The following NTM variants were observed in gnomAD, a reference collection of about 807,000 sequenced individuals.
NTM encodes the protein IgLON family member 2.
A neutral mutation model predicts 42.1 loss-of-function variants in NTM; 13 were observed. The observed-to-expected ratio is 0.31, with a 90% CI of 0.20 to 0.49. NTM has a LOEUF of 0.49. NTM is among the 20% of genes least tolerant of loss of function. The probability of loss-of-function intolerance (pLI) is 0.99; values close to 1 mark genes in which losing one functional copy is unlikely to be tolerated. For synonymous variants in NTM, 187 were observed against 179.2 expected (o/e 1.04, Z -0.35); for missense variants, 373 against 452.8 (o/e 0.82, Z 1.60).
chr11:131,789,829 G>A (rs769895536), intron 1 of NTM, among the ~76,000 whole-genome samples: 11 of 150,906 alleles, frequency 7.3e-5, no homozygotes, highest in Non-Finnish European at 1.3e-4. Flanking sequence ...GGTGGCGGGA[G>A]CCTGTAGTCC....
At chr11:131,910,788 C>T in intron 1 of NTM, 7 of 971,356 alleles carry the variant, frequency 7.2e-6, no homozygotes, top group Non-Finnish European at 8.6e-6. Flanking sequence ...CCGCCGCAGC[C>T]CCTGCCCCGC....
At position 131,873,684 on chromosome 11, in the gene NTM, TATATATACACAC is replaced by T. The variant is rs1238642551; in HGVS notation, c.83-37872_83-37861del. Among the ~76,000 whole-genome samples the T allele has an allele frequency of 9.1e-3, 1,173 of 129,604 alleles. 116 individuals are homozygous for T. Among genetic ancestry groups the T allele is most frequent in the African/African-American group, 0.04 (1,063 of 26,596 alleles). The allele number at this position is 129,604 out of a possible 152,430, so 85.0% of individuals were successfully genotyped here. Reference sequence around the variant, plus strand: ...ATATACACATATATATATACACACATATATATACACACATATATATATATACACACACACACT... The same window carrying T: ...ATATACACATATATATATACACACATATATATATATATACACACACACACT... On this transcript the variant is annotated intron_variant, in intron 1 of 8. Coordinates refer to ENST00000683400, the MANE Select transcript of NTM (RefSeq NM_001352005.2).
intron 1 of NTM, among the ~76,000 whole-genome samples, chr11:131,409,233 T>G (rs1022175888): frequency 1.3e-5 from 2 of 152,190 alleles, no homozygotes; most frequent in African/African-American, 4.8e-5. Context: ...ATCAAACACT[T>G]GTTTGAGAAG....
chr11:132,008,254 G>A (rs1160913766), intron 2 of NTM, among the ~76,000 whole-genome samples: 1 of 152,160 alleles, frequency 6.6e-6, no homozygotes, highest in East Asian at 1.9e-4. Context: ...CTTTGGACAA[G>A]GTTTGCATTT....
rs562059818 is a variant in NTM, at chr11:132,073,859, T to C, written c.168-72423T>C. ...ATCCCATTTCTGGCCACAAACCTGT[T>C]TGGGGTTTGCTCCACCATAAGTCAA... On this transcript the variant is annotated intron_variant, in intron 2 of 8. Transcript: ENST00000683400. Among the ~76,000 whole-genome samples the C allele has an allele frequency of 1.6e-4, 25 of 152,280 alleles. No individual in the cohort carries two copies. The East Asian group carries it at 4.4e-3, about 27-fold the overall frequency.
At chr11:132,058,146 C>T (rs1266567396) in intron 2 of NTM, among the ~76,000 whole-genome samples, 1 of 152,094 alleles carries the variant, frequency 6.6e-6, no homozygotes, top group Non-Finnish European at 1.5e-5. Context: ...TTCATGGTGG[C>T]GTTCTTTGTG....
intron 1 of NTM, among the ~76,000 whole-genome samples, chr11:131,854,831 A>G (rs2045942517): frequency 6.6e-6 from 1 of 152,228 alleles, no homozygotes; most frequent in Non-Finnish European, 1.5e-5. Context: ...TGGGTGCTGC[A>G]GGTAACTTGG....
intron 2 of NTM, among the ~76,000 whole-genome samples, chr11:131,955,007 G>A (rs890284212): frequency 6.6e-6 from 1 of 152,172 alleles, no homozygotes; most frequent in Non-Finnish European, 1.5e-5. Flanking sequence ...TGTAAATACT[G>A]TTCAGATGAA....
chr11:131,723,195 G>A (rs1007793671), intron 1 of NTM, among the ~76,000 whole-genome samples: 1 of 152,174 alleles, frequency 6.6e-6, no homozygotes, highest in Non-Finnish European at 1.5e-5. Flanking sequence ...TATCTCTGCC[G>A]TTCACATCAT....
In NTM at chr11:131,901,776, A is replaced by G. The variant is rs149565219; in HGVS notation, c.83-9788A>G. Among the ~76,000 whole-genome samples, 600 of 152,356 alleles carry G rather than the reference A, an allele frequency of 3.9e-3. 4 individuals carry two copies. The highest frequency in any genetic ancestry group is 0.014 in the African/African-American group (580 of 41,590). Reference sequence around the variant, plus strand: ...ATTTCATGTGTTGTGGTTTATTCACATGCACGTTGACAACATTTTCCAAAT... The same window carrying G: ...ATTTCATGTGTTGTGGTTTATTCACGTGCACGTTGACAACATTTTCCAAAT... On this transcript the variant is annotated intron_variant, in intron 1 of 8. Coordinates refer to ENST00000683400, the MANE Select transcript of NTM (RefSeq NM_001352005.2).
Position 131,424,818 on chromosome 11 carries a change from C to T in NTM, c.82+53930C>T, listed in dbSNP as rs144726265. ...TCTTCTGACCTCGTGATCTGCCTGC[C>T]TTGGCCTCCCAAAGTGCTGGGATTA... On this transcript the variant is annotated intron_variant, in intron 1 of 8. Transcript: ENST00000683400. Among the ~76,000 whole-genome samples, 539 of 149,390 alleles carry T rather than the reference C, an allele frequency of 3.6e-3. 9 individuals are homozygous for T. The highest frequency in any genetic ancestry group is 0.031 in the Admixed American group (465 of 15,000).
At chr11:132,329,692 G>C (rs748277878) in intron 7 of NTM, among the ~76,000 whole-genome samples, 1 of 152,224 alleles carries the variant, frequency 6.6e-6, no homozygotes, top group Non-Finnish European at 1.5e-5. Flanking sequence ...ACATTCAAAT[G>C]CTGTAGTATA....
intron 1 of NTM, among the ~76,000 whole-genome samples, chr11:131,593,932 GC>G (rs765252030): frequency 9.9e-5 from 15 of 152,188 alleles, no homozygotes; most frequent in Non-Finnish European, 2.2e-4. Context: ...CCTGCATGGT[GC>G]CCAGTGGATC....
intron 1 of NTM, chr11:131,661,155 C>A: frequency 2.9e-6 from 2 of 688,174 alleles, no homozygotes; most frequent in Admixed American, 3.2e-5. Flanking sequence ...CAGGTGGTGA[C>A]TGTGGCTTTT....
At chr11:132,082,368 G>A (rs554447042) in intron 2 of NTM, among the ~76,000 whole-genome samples, 1 of 152,306 alleles carries the variant, frequency 6.6e-6, no homozygotes, top group South Asian at 2.1e-4. Context: ...CCATTCATGA[G>A]TTGAAGAGGC....
At chr11:132,197,846 G>A (rs1412780598) in intron 3 of NTM, among the ~76,000 whole-genome samples, 1 of 151,974 alleles carries the variant, frequency 6.6e-6, no homozygotes, top group Non-Finnish European at 1.5e-5. Context: ...TTTTATGGCT[G>A]CATAGTATTC....
At chr11:131,380,394 A>G (rs1942525235) in intron 1 of NTM, among the ~76,000 whole-genome samples, 2 of 151,814 alleles carry the variant, frequency 1.3e-5, no homozygotes, top group African/African-American at 4.8e-5. Context: ...TATTTTTACT[A>G]GAGATGGGAT....
intron 7 of NTM, among the ~76,000 whole-genome samples, chr11:132,321,189 G>A (rs569615418): frequency 3.3e-4 from 51 of 152,326 alleles, no homozygotes; most frequent in African/African-American, 1.1e-3. Flanking sequence ...TGACTTTGAC[G>A]AGCTGAGAGA....
Position 132,336,668 on chromosome 11 carries a change from AATCTT to A in NTM, c.*1523_*1527del, listed in dbSNP as rs895678126. On this transcript the variant is annotated 3_prime_UTR_variant, in exon 9 of 9. Coordinates refer to ENST00000683400, the MANE Select transcript of NTM (RefSeq NM_001352005.2). ...AGAGAAGAAAATGCAATTTTTAGGT[AATCTT>A]TTTTTTTTTTCCCCTCCCCTGAAAG... 1 of 149,008 alleles carries A rather than the reference AATCTT, an allele frequency of 6.7e-6. No homozygotes were observed. Among genetic ancestry groups the A allele is most frequent in the African/African-American group, 2.5e-5 (1 of 39,948 alleles). 9.2% of individuals were successfully genotyped at this position (149,008 alleles called of 1,614,324 possible). A position where few individuals can be genotyped will look rare whatever the true frequency, so the allele number is the denominator to read the frequency against.
Sources: gnomAD v4.1 joint callset for allele counts (sites outside exome capture counted in the v4.1 genomes callset) on GRCh38, gnomAD v4.1.1 for gene constraint, MANE v1.5 for transcripts, NCBI Gene and HGNC (gene_info 2026-07-23, HGNC 2026-07-21) for gene names.